Variants in ARMH1 observed in about 807,000 individuals in gnomAD.
ARMH1 encodes the protein armadillo-like helical domain containing protein 1.
Under a neutral mutation model 50.2 loss-of-function variants are expected in ARMH1, and 34 were observed. That is an observed-to-expected ratio of 0.68 (90% confidence interval 0.51 to 0.90). The LOEUF is 0.90. Among genes scored for constraint, ARMH1 ranks in the 40% least tolerant of loss-of-function variants. ARMH1 has a pLI of 0.00. For synonymous variants in ARMH1, 221 were observed against 224.2 expected, an observed-to-expected ratio of 0.99 and a Z score of 0.13; for missense variants, 538 against 553.9, an observed-to-expected ratio of 0.97 and a Z score of 0.29.
At chr1:44,679,956 G>A (rs1387157577) in intron 1 of ARMH1, among the ~76,000 whole-genome samples, 1 of 152,248 alleles carries the variant, frequency 6.6e-6, no homozygotes, top group East Asian at 1.9e-4. Context: ...AAGTTTTAAA[G>A]CATATTAGAG....
At chr1:44,722,082 A>G in intron 6 of ARMH1, among the ~76,000 whole-genome samples, 1 of 152,176 alleles carries the variant, frequency 6.6e-6, no homozygotes. Context: ...TCAAACAGAT[A>G]ACCCTGGTAA....
intron 5 of ARMH1, among the ~76,000 whole-genome samples, chr1:44,703,565 A>AAAC (rs1646192192): frequency 6.7e-6 from 1 of 149,854 alleles, no homozygotes; most frequent in Non-Finnish European, 1.5e-5. Context: ...TCTACTAAAA[A>AAAC]AAAAAAAAAA....
At chr1:44,675,473 A>G (rs955937685) in intron 1 of ARMH1, among the ~76,000 whole-genome samples, 8 of 152,130 alleles carry the variant, frequency 5.3e-5, no homozygotes, top group African/African-American at 1.7e-4. Context: ...CCTGGGCAAC[A>G]TAGTGAGACC....
At chr1:44,703,840 C>A (rs1318147200) in intron 5 of ARMH1, among the ~76,000 whole-genome samples, 1 of 151,064 alleles carries the variant, frequency 6.6e-6, no homozygotes, top group Non-Finnish European at 1.5e-5. Context: ...CATTCTCCTG[C>A]CTCAGCCTCA....
intron 6 of ARMH1, 33 bp downstream of exon 6, chr1:44,704,206 C>T (rs1276923443): frequency 5.4e-6 from 8 of 1,478,842 alleles, no homozygotes; most frequent in East Asian, 2.5e-5. Context: ...AAGGGGGCAC[C>T]GAGAGCCAGA....
chr1:44,697,257 G>A (rs867847672), intron 3 of ARMH1, 87 bp downstream of exon 3: 76 of 1,059,492 alleles, frequency 7.2e-5, no homozygotes, highest in Non-Finnish European at 8.8e-5. Flanking sequence ...CCAGGGCCAC[G>A]GATTCCTGTT....
chr1:44,697,252 G>A, intron 3 of ARMH1, 82 bp downstream of exon 3: 1 of 1,101,872 alleles, frequency 9.1e-7, no homozygotes, highest in Non-Finnish European at 1.4e-6. Flanking sequence ...ACCACCCAGG[G>A]CCACGGATTC....
Position 44,724,942 on chromosome 1 carries a change from T to C in ARMH1, c.1128+103T>C. ...ATCCTGGAGCGCGCCACATGCAGAGTGGACCTGGCCACCAGCTGCAGGAGG... is the reference window on the plus strand; with the variant it reads ...ATCCTGGAGCGCGCCACATGCAGAGCGGACCTGGCCACCAGCTGCAGGAGG... On this transcript the variant is annotated intron_variant, in intron 10 of 11. Coordinates refer to ENST00000535358, the MANE Select transcript of ARMH1 (RefSeq NM_001145636.2). This position sits in a 1 kb window ranked among gnomAD's most constrained non-coding sequence, Gnocchi z 6.4. 1 of 1,499,820 alleles carries C rather than the reference T, an allele frequency of 6.7e-7. No homozygotes were observed. 92.9% of individuals were successfully genotyped at this position (1,499,820 alleles called of 1,614,324 possible).
chr1:44,676,936 A>G (rs1448541133), intron 1 of ARMH1, among the ~76,000 whole-genome samples: 3 of 152,180 alleles, frequency 2.0e-5, no homozygotes, highest in Non-Finnish European at 4.4e-5. Flanking sequence ...GGTGCCCTTG[A>G]AAAAAAGACT....
At chr1:44,684,830 G>C (rs1645417406) in intron 1 of ARMH1, among the ~76,000 whole-genome samples, 1 of 152,188 alleles carries the variant, frequency 6.6e-6, no homozygotes, top group Admixed American at 6.5e-5. Context: ...AGGGCTTGAA[G>C]GGCAGGAATG....
intron 2 of ARMH1, among the ~76,000 whole-genome samples, chr1:44,695,840 G>A (rs889185752): frequency 1.3e-5 from 2 of 151,994 alleles, no homozygotes; most frequent in African/African-American, 2.4e-5. Context: ...GGCTACTCAG[G>A]TGACTGAGAC....
intron 6 of ARMH1, among the ~76,000 whole-genome samples, chr1:44,715,805 T>C (rs1646825217): frequency 6.6e-6 from 1 of 152,228 alleles, no homozygotes; most frequent in South Asian, 2.1e-4. Context: ...AGTGATCATC[T>C]GCTCGCTTCA....
At chr1:44,710,245 T>C (rs568169878) in intron 6 of ARMH1, among the ~76,000 whole-genome samples, 1 of 152,214 alleles carries the variant, frequency 6.6e-6, no homozygotes, top group Admixed American at 6.5e-5. Context: ...TCATTGTTAG[T>C]TTCCTTCGGT....
chr1:44,688,505 T>C (rs1028985227), intron 1 of ARMH1, among the ~76,000 whole-genome samples: 1 of 152,234 alleles, frequency 6.6e-6, no homozygotes, highest in Non-Finnish European at 1.5e-5. Context: ...AGAAGCACTT[T>C]ATGGGACTGT....
At chr1:44,675,734 C>T (rs1041582306) in intron 1 of ARMH1, among the ~76,000 whole-genome samples, 16 of 151,564 alleles carry the variant, frequency 1.1e-4, no homozygotes, top group African/African-American at 3.4e-4. Context: ...CTGAGGCGGG[C>T]GTATCACTTC....
chr1:44,680,108 G>C (rs1228827782), intron 1 of ARMH1, among the ~76,000 whole-genome samples: 3 of 152,246 alleles, frequency 2.0e-5, no homozygotes, highest in Non-Finnish European at 4.4e-5. Context: ...CTGGGGAGTT[G>C]AGAGTGCAAG....
rs893854361 is a variant in ARMH1, at chr1:44,709,874, A to G, written c.724+5701A>G. Among the ~76,000 whole-genome samples the G allele has an allele frequency of 1.6e-4, 24 of 152,138 alleles. 1 individual carries two copies. The highest frequency in any genetic ancestry group is 5.8e-4 in the African/African-American group (24 of 41,412). On this transcript the variant is annotated intron_variant, in intron 6 of 11. Coordinates refer to ENST00000535358, the MANE Select transcript of ARMH1 (RefSeq NM_001145636.2). ...GCTGAAAATATGCTAACAAATACGTATAAGAATCAAGTCCATGGTAAAATG... is the reference window on the plus strand; with the variant it reads ...GCTGAAAATATGCTAACAAATACGTGTAAGAATCAAGTCCATGGTAAAATG...
In ARMH1 at chr1:44,724,357, G is replaced by A. The variant is rs1173624727; in HGVS notation, c.885G>A (p.Met295Ile). ...SVLQLTPSLP[M>I]FLQQAAAAKA... ...TCCAGCTCACCCCCAGCCTGCCGAT[G>A]TTTTTGCAGCAGGCCGCGGCCGCCA... is the stretch of plus-strand genomic sequence containing the variant. The change falls in exon 8 of 12, where the codon ATG becomes ATA. Residue 295 changes from methionine (M) to isoleucine (I), a missense_variant. By Grantham distance (10) the Met-to-Ile change is conservative (BLOSUM62 1). Transcript: ENST00000535358. This position sits in a 1 kb window ranked among gnomAD's most constrained non-coding sequence, Gnocchi z 6.4. 1.9e-6 allele frequency: 3 copies of A among 1,551,342 alleles called. No homozygotes were observed. The African/African-American group carries it at 4.1e-5, about 21-fold the overall frequency.
chr1:44,720,357 C>A (rs1003071016), intron 6 of ARMH1, among the ~76,000 whole-genome samples: 1 of 152,128 alleles, frequency 6.6e-6, no homozygotes, highest in Non-Finnish European at 1.5e-5. Flanking sequence ...CTGGGGTCAT[C>A]CACCACCAGG....
Sources: allele counts gnomAD v4.1 joint callset (sites outside exome capture counted in the v4.1 genomes callset), GRCh38; gene constraint gnomAD v4.1.1; non-coding constraint Gnocchi (gnomAD v3.1); transcripts MANE v1.5; gene names NCBI Gene and HGNC (gene_info 2026-07-23, HGNC 2026-07-21).